The following PVT1 variants were observed in gnomAD, a reference collection of about 807,000 sequenced individuals.
The protein encoded by PVT1 is CXCR4/PVT1 fusion.
At chr8:128,074,949 G>C (rs1563681100) in intron 5 of PVT1, among the ~76,000 whole-genome samples, 1 of 152,222 alleles carries the variant, frequency 6.6e-6, no homozygotes, top group African/African-American at 2.4e-5. Context: ...TGCAGCCAAA[G>C]AGTTAGTTTC....
At chr8:127,943,461 G>T (rs1196857535) in intron 3 of PVT1, among the ~76,000 whole-genome samples, 3 of 152,106 alleles carry the variant, frequency 2.0e-5, no homozygotes, top group African/African-American at 7.2e-5. Flanking sequence ...ACATAGGTAG[G>T]GTCTACAGCA....
Position 127,823,633 on chromosome 8 carries a change from C to T in PVT1, n.372+27562C>T, listed in dbSNP as rs538037193. On this transcript the variant is annotated intron_variant and non_coding_transcript_variant, in intron 2 of 10. Transcript: ENST00000651587. Reference sequence around the variant, plus strand: ...GTCCCGGGACTCACACTGGGGGAGGCAGGGAGACCAGCATGCCCCCTCTTG... The same window carrying T: ...GTCCCGGGACTCACACTGGGGGAGGTAGGGAGACCAGCATGCCCCCTCTTG... Among the ~76,000 whole-genome samples, 6 of 152,250 alleles carry T rather than the reference C, an allele frequency of 3.9e-5. No individual in the cohort carries two copies. In the East Asian group the frequency reaches 1.2e-3, roughly 29 times the overall value.
intron 2 of PVT1, among the ~76,000 whole-genome samples, chr8:127,844,078 G>A (rs1815003687): frequency 6.6e-6 from 1 of 151,834 alleles, no homozygotes; most frequent in Non-Finnish European, 1.5e-5. Context: ...TGCCTCCCGG[G>A]TTCATGCCGT....
intron 4 of PVT1, among the ~76,000 whole-genome samples, chr8:128,065,710 G>T (rs1046275287): frequency 6.6e-6 from 1 of 152,028 alleles, no homozygotes; most frequent in African/African-American, 2.4e-5. Context: ...GAGAGGAAAT[G>T]CACCAAGGGG....
chr8:127,901,119 A>G (rs915279207), intron 3 of PVT1, among the ~76,000 whole-genome samples: 1 of 152,210 alleles, frequency 6.6e-6, no homozygotes, highest in Non-Finnish European at 1.5e-5. Context: ...GAAGAAGCCA[A>G]CAGCGTTGTC....
intron 2 of PVT1, chr8:127,803,257 T>G (rs1201928470): frequency 6.6e-6 from 1 of 150,638 alleles, no homozygotes; most frequent in Non-Finnish European, 1.5e-5. Context: ...GCCTCCCGAG[T>G]AGCTGGGACT....
chr8:128,096,655 G>A (rs1234604450), intron 6 of PVT1: 1 of 152,288 alleles, frequency 6.6e-6, no homozygotes, highest in Non-Finnish European at 1.5e-5. Context: ...GCTGTCAAAG[G>A]TGCGACCTGC....
chr8:128,041,918 G>C (rs557896886), intron 4 of PVT1, among the ~76,000 whole-genome samples: 6 of 152,316 alleles, frequency 3.9e-5, no homozygotes, highest in African/African-American at 1.4e-4. Context: ...CTGTATCACA[G>C]TCCCTCCAGT....
At chr8:127,951,604 C>G (rs1246268627) in intron 3 of PVT1, among the ~76,000 whole-genome samples, 1 of 152,306 alleles carries the variant, frequency 6.6e-6, no homozygotes, top group East Asian at 1.9e-4. Flanking sequence ...AAGCCTCCCC[C>G]GGTCATTACA....
chr8:127,991,440 T>A (rs557291573), intron 4 of PVT1, among the ~76,000 whole-genome samples: 10 of 152,274 alleles, frequency 6.6e-5, no homozygotes, highest in African/African-American at 2.4e-4. Flanking sequence ...CACTGAATTA[T>A]GTCTTGGGAG....
At chr8:127,799,327 G>A (rs1234548718) in intron 2 of PVT1, among the ~76,000 whole-genome samples, 1 of 152,136 alleles carries the variant, frequency 6.6e-6, no homozygotes, top group Non-Finnish European at 1.5e-5. Context: ...GAGAGGCTGA[G>A]GCAGGAGGAT....
At chr8:127,811,721 C>G (rs1461760528) in intron 2 of PVT1, among the ~76,000 whole-genome samples, 1 of 152,156 alleles carries the variant, frequency 6.6e-6, no homozygotes, top group Non-Finnish European at 1.5e-5. Flanking sequence ...TCTCCGTCCC[C>G]TCAACATATG....
chr8:127,849,234 G>T (rs1174101325), intron 2 of PVT1, among the ~76,000 whole-genome samples: 1 of 152,146 alleles, frequency 6.6e-6, no homozygotes, highest in African/African-American at 2.4e-5. Flanking sequence ...CCTGGCTGAG[G>T]CTGTTTTCTG....
chr8:127,804,718 T>C (rs981795859), intron 2 of PVT1, among the ~76,000 whole-genome samples: 1 of 150,078 alleles, frequency 6.7e-6, no homozygotes, highest in African/African-American at 2.5e-5. Context: ...TCTTTCTTTT[T>C]CTTTTTTTTT....
At chr8:128,006,009 A>G (rs916874743) in intron 4 of PVT1, among the ~76,000 whole-genome samples, 6 of 151,684 alleles carry the variant, frequency 4.0e-5, no homozygotes, top group African/African-American at 1.5e-4. Context: ...GGGCTGAATA[A>G]GGAGAATCAC....
intron 4 of PVT1, among the ~76,000 whole-genome samples, chr8:128,050,538 G>A (rs1261824611): frequency 2.0e-5 from 3 of 152,156 alleles, no homozygotes; most frequent in East Asian, 1.9e-4. Context: ...TTTCCTTGAC[G>A]TCTGTGCTTT....
intron 3 of PVT1, among the ~76,000 whole-genome samples, chr8:127,951,176 G>A (rs1328159768): frequency 2.6e-5 from 4 of 152,172 alleles, no homozygotes; most frequent in Non-Finnish European, 5.9e-5. Flanking sequence ...GATTACAGGC[G>A]TGAGCCACCA....
chr8:127,888,606 G>A (rs1815555654), intron 2 of PVT1, among the ~76,000 whole-genome samples: 2 of 152,222 alleles, frequency 1.3e-5, no homozygotes, highest in Non-Finnish European at 2.9e-5. Context: ...TGCGTCCTTA[G>A]GAGTGGAAGA....
chr8:127,818,689 G>A (rs1054304950), intron 2 of PVT1, among the ~76,000 whole-genome samples: 4 of 152,116 alleles, frequency 2.6e-5, no homozygotes, highest in African/African-American at 7.2e-5. Context: ...CCCCTCTGCC[G>A]CTTCAAAACT....
Sources: allele counts gnomAD v4.1 joint callset (sites outside exome capture counted in the v4.1 genomes callset), GRCh38; gene constraint gnomAD v4.1.1; transcripts MANE v1.5; gene names NCBI Gene and HGNC (gene_info 2026-07-23, HGNC 2026-07-21).